Variants in VPS41 observed in about 807,000 individuals in gnomAD.
VPS41 encodes the protein vacuolar protein sorting-associated protein 41 homolog.
In VPS41, 85 loss-of-function variants were observed where a neutral mutation model predicts 130.9. That is an observed-to-expected ratio of 0.65 (90% confidence interval 0.55 to 0.78). The LOEUF is 0.78. Ranked by LOEUF, VPS41 falls within the 30% of genes least tolerant of loss-of-function variation. The pLI is 0.00. For synonymous variants in VPS41, 335 were observed against 332.9 expected, an observed-to-expected ratio of 1.01 and a Z score of -0.07; for missense variants, 874 against 1,018.7, an observed-to-expected ratio of 0.86 and a Z score of 1.93.
intron 4 of VPS41, among the ~76,000 whole-genome samples, chr7:38,835,332 T>C (rs762973166): frequency 7.3e-4 from 111 of 152,012 alleles, no homozygotes; most frequent in Admixed American, 8.5e-4. Flanking sequence ...CAGACATTAA[T>C]ATACTGCCTA....
chr7:38,865,819 A>C (rs1786217925), intron 3 of VPS41, among the ~76,000 whole-genome samples: 1 of 152,174 alleles, frequency 6.6e-6, no homozygotes. Context: ...AGCTAATAAG[A>C]GGCATTCAAA....
Position 38,799,883 on chromosome 7 carries a change from C to T in VPS41, c.451-3019G>A, listed in dbSNP as rs779477972. Among the ~76,000 whole-genome samples, 60 of 151,688 alleles carry T rather than the reference C, an allele frequency of 4.0e-4. 1 individual carries two copies. The highest frequency in any genetic ancestry group is 4.0e-4 in the Non-Finnish European group (27 of 67,968). On this transcript the variant is annotated intron_variant, in intron 7 of 28. Coordinates refer to ENST00000310301, the MANE Select transcript of VPS41 (RefSeq NM_014396.4). ...AGGAAAAAGAATGAACTGATAAAGACGAATCAAAATGATATGATCAGGCAT... is the reference window on the plus strand; with the variant it reads ...AGGAAAAAGAATGAACTGATAAAGATGAATCAAAATGATATGATCAGGCAT...
At chr7:38,755,650 G>T (rs992839321) in intron 19 of VPS41, among the ~76,000 whole-genome samples, 6 of 152,144 alleles carry the variant, frequency 3.9e-5, no homozygotes, top group African/African-American at 1.4e-4. Flanking sequence ...ATACGAGGGT[G>T]TTGGAGTAGA....
In VPS41 at chr7:38,725,334, A is replaced by C. The variant is rs1795516537; in HGVS notation, c.*912T>G. 1 of 152,266 alleles carries C rather than the reference A, an allele frequency of 6.6e-6. No individual in the cohort carries two copies. The allele number at this position is 152,266 out of a possible 1,614,324, so 9.4% of individuals were successfully genotyped here. ...GTTCCATGAGGGCAATGGAGGCACC[A>C]GAGAAGGCAAGAGGAAACATCATTA... On this transcript the variant is annotated 3_prime_UTR_variant, in exon 29 of 29. Coordinates refer to ENST00000310301, the MANE Select transcript of VPS41 (RefSeq NM_014396.4).
intron 6 of VPS41, among the ~76,000 whole-genome samples, chr7:38,820,928 C>G (rs1231982662): frequency 6.6e-6 from 1 of 151,318 alleles, no homozygotes; most frequent in African/African-American, 2.4e-5. Flanking sequence ...TACCACAGAT[C>G]GTGTGTGTGT....
At chr7:38,853,765 T>A (rs1785918536) in intron 4 of VPS41, among the ~76,000 whole-genome samples, 1 of 152,214 alleles carries the variant, frequency 6.6e-6, no homozygotes, top group African/African-American at 2.4e-5. Flanking sequence ...ACCCTGACTT[T>A]GAAATATGTG....
intron 6 of VPS41, among the ~76,000 whole-genome samples, chr7:38,820,432 AT>A (rs1266741500): frequency 1.3e-5 from 2 of 152,232 alleles, no homozygotes; most frequent in African/African-American, 4.8e-5. Flanking sequence ...TTCAACAACT[AT>A]AATAGACACC....
intron 4 of VPS41, among the ~76,000 whole-genome samples, chr7:38,843,254 T>G (rs1785649013): frequency 6.6e-6 from 1 of 152,212 alleles, no homozygotes; most frequent in Non-Finnish European, 1.5e-5. Flanking sequence ...TTGATCAGAT[T>G]CAAGTAGCTG....
At position 38,888,575 on chromosome 7, in the gene VPS41, T is replaced by C. The variant is rs760923005; in HGVS notation, c.60+9516A>G. On this transcript the variant is annotated intron_variant, in intron 2 of 28. Transcript: ENST00000310301. ...GACTTAGACTCCCACACAGTAATAA[T>C]GGGAGACTTTAACACCCCACTGTTA... 2.6e-4 allele frequency among the ~76,000 whole-genome samples: 40 copies of C among 152,156 alleles called. 1 individual carries two copies. Among genetic ancestry groups the C allele is most frequent in the African/African-American group, 8.2e-4 (34 of 41,426 alleles).
intron 1 of VPS41, among the ~76,000 whole-genome samples, chr7:38,901,702 A>T (rs1222838918): frequency 6.6e-6 from 1 of 152,176 alleles, no homozygotes; most frequent in East Asian, 1.9e-4. Flanking sequence ...ATGGTTGCAC[A>T]ACAATGTGAG....
intron 4 of VPS41, among the ~76,000 whole-genome samples, chr7:38,858,096 G>A (rs1378840936): frequency 1.3e-5 from 2 of 152,186 alleles, no homozygotes; most frequent in Non-Finnish European, 2.9e-5. Flanking sequence ...GTAATATACG[G>A]CAAACGTTTC....
chr7:38,737,352 C>T (rs1762559340), intron 25 of VPS41, among the ~76,000 whole-genome samples: 1 of 152,006 alleles, frequency 6.6e-6, no homozygotes, highest in South Asian at 2.1e-4. Flanking sequence ...AGCCTGGCGA[C>T]AGAGCAAGAC....
intron 25 of VPS41, among the ~76,000 whole-genome samples, chr7:38,738,593 T>C (rs984971188): frequency 6.6e-6 from 1 of 152,186 alleles, no homozygotes; most frequent in African/African-American, 2.4e-5. Context: ...GTAAAAACAT[T>C]AGAAATTTGT....
rs76026237 is a variant in VPS41, at chr7:38,831,719, A to T, written c.247-1391T>A. Among the ~76,000 whole-genome samples the T allele has an allele frequency of 8.0e-3, 1,224 of 152,352 alleles. 18 individuals carry two copies. The highest frequency in any genetic ancestry group is 0.028 in the African/African-American group (1,171 of 41,564). The stretch of plus-strand genomic sequence containing the variant: ...AAGATCTGTTATTCAACCCCAGAGG[A>T]AAGCAGTCAGCTAAGGCTGGTTATC... On this transcript the variant is annotated intron_variant, in intron 4 of 28. Transcript: ENST00000310301.
Position 38,742,070 on chromosome 7 carries a change from A to G in VPS41, c.2174T>C (p.Leu725Pro). The G allele has an allele frequency of 6.2e-7, 1 of 1,613,324 alleles. No individual in the cohort carries two copies. ...TCCTTCCTTAATACGGTGAATCAGT[A>G]GAATTGGGTCAACATGTGTGCCAAT... is the stretch of plus-strand genomic sequence containing the variant. ...NNIGTHVDPI[L>P]LIHRIKEGME... Residue 725 changes from leucine (L) to proline (P), a missense_variant, in exon 25 of 29, where the codon CTA (leucine) becomes CCA (proline). Transcript: ENST00000310301.
At position 38,771,413 on chromosome 7, in the gene VPS41, T is replaced by C. The variant is rs1385346654; in HGVS notation, c.1129-159A>G. ...ACACGAATAAAGCTCCATTTTCCCATGGCTTTTGCTTGAAGCATTGGAATT... is the reference window on the plus strand; with the variant it reads ...ACACGAATAAAGCTCCATTTTCCCACGGCTTTTGCTTGAAGCATTGGAATT... On this transcript the variant is annotated intron_variant, in intron 13 of 28. Coordinates refer to ENST00000310301, the MANE Select transcript of VPS41 (RefSeq NM_014396.4). Among the ~76,000 whole-genome samples, 4 of 152,206 alleles carry C rather than the reference T, an allele frequency of 2.6e-5. No individual in the cohort carries two copies. The East Asian group carries it at 5.8e-4, about 22-fold the overall frequency.
chr7:38,796,359 G>T, intron 8 of VPS41: 1 of 414,490 alleles, frequency 2.4e-6, no homozygotes, highest in South Asian at 1.8e-5. Context: ...ATTATACTGG[G>T]AGTAAAAGAG....
At position 38,776,674 on chromosome 7, in the gene VPS41, A is replaced by C; in HGVS notation, c.882+5T>G. 2.2e-5 allele frequency: 35 copies of C among 1,562,600 alleles called. No individual in the cohort carries two copies. Among genetic ancestry groups the C allele is most frequent in the Non-Finnish European group, 2.6e-5 (29 of 1,133,620 alleles). ...TGCCTTTGTATCTGGGGAGAAAATA[A>C]TTACCGTTTTTTCTGAAATCTCCTT... is the stretch of plus-strand genomic sequence containing the variant. On this transcript the variant is annotated splice_donor_5th_base_variant and intron_variant, in intron 11 of 28. Transcript: ENST00000310301.
chr7:38,754,977 A>G, intron 19 of VPS41, 41 bp from the exon 20 acceptor site: 1 of 1,594,148 alleles, frequency 6.3e-7, no homozygotes, highest in Admixed American at 1.7e-5. Flanking sequence ...GAAATCCGTT[A>G]TTTAAGAAGA....
Sources: gnomAD v4.1 joint callset for allele counts (sites outside exome capture counted in the v4.1 genomes callset) on GRCh38, gnomAD v4.1.1 for gene constraint, MANE v1.5 for transcripts, NCBI Gene and HGNC (gene_info 2026-07-23, HGNC 2026-07-21) for gene names.